SH3BP5L: variants seen among roughly 807,000 people sequenced by gnomAD.
SH3BP5L encodes the protein SH3 domain-binding protein 5-like.
SH3BP5L carries 16 observed loss-of-function variants against 40.9 expected under a neutral mutation model. The ratio of observed to expected loss-of-function variants is 0.39; its 90% CI spans 0.27 to 0.59. SH3BP5L has a LOEUF of 0.59. SH3BP5L is among the 20% of genes least tolerant of loss of function. SH3BP5L has a pLI of 0.53. For synonymous variants in SH3BP5L, 229 were observed against 226.7 expected, an observed-to-expected ratio of 1.01 and a Z score of -0.09; for missense variants, 471 against 544.6, an observed-to-expected ratio of 0.86 and a Z score of 1.35.
chr1:248,819,931 GTAAAAAAATT>G (rs1219618721), intron 2 of SH3BP5L, among the ~76,000 whole-genome samples: 1 of 151,492 alleles, frequency 6.6e-6, no homozygotes, highest in Non-Finnish European at 1.5e-5. Context: ...TTTTTTAAAA[GTAAAAAAATT>G]TAAAAAAAGA....
chr1:248,817,098 T>G, intron 2 of SH3BP5L: 72 of 1,480,138 alleles, frequency 4.9e-5, no homozygotes, highest in Non-Finnish European at 6.2e-5. Flanking sequence ...CTCACAACTC[T>G]ACCTTGTATT....
chr1:248,816,340 T>C (rs1015632656), intron 4 of SH3BP5L, 194 bp downstream of exon 4: 2 of 595,492 alleles, frequency 3.4e-6, no homozygotes, highest in Non-Finnish European at 5.9e-6. Flanking sequence ...CTCACCATTT[T>C]ATAGACCATA....
chr1:248,825,726 G>C (rs1271233305), intron 1 of SH3BP5L, 109 bp downstream of exon 1: 7 of 304,548 alleles, frequency 2.3e-5, no homozygotes, highest in Non-Finnish European at 3.4e-5. Context: ...TGTCCAACCC[G>C]AGACATCTAA....
In SH3BP5L at chr1:248,812,865, C is replaced by A; in HGVS notation, c.711+124G>T. On this transcript the variant is annotated intron_variant, in intron 6 of 6. Transcript: ENST00000366472. This position sits in a 1 kb window ranked among gnomAD's most constrained non-coding sequence, Gnocchi z 6.1. ...GGAACATGTGTGCCACCACCCTTCC[C>A]CACCGCTAGCCGGAGGCCTCACCCT... 1.2e-6 allele frequency: 1 copy of A among 830,590 alleles called. No individual in the cohort carries two copies. Among genetic ancestry groups the A allele is most frequent in the Non-Finnish European group, 1.9e-6 (1 of 538,616 alleles). The allele number at this position is 830,590 out of a possible 1,614,324, so 51.5% of individuals were successfully genotyped here.
intron 2 of SH3BP5L, among the ~76,000 whole-genome samples, chr1:248,822,072 G>C (rs1664266301): frequency 6.6e-6 from 1 of 152,120 alleles, no homozygotes; most frequent in African/African-American, 2.4e-5. Context: ...CTCAGGTAAG[G>C]GTATTTTTGA....
intron 1 of SH3BP5L, 104 bp from the exon 2 acceptor site, chr1:248,825,470 G>A (rs1157721426): frequency 1.6e-5 from 13 of 790,492 alleles, no homozygotes; most frequent in Non-Finnish European, 2.0e-5. Flanking sequence ...CTCTCACCAC[G>A]CCCCCACCCA....
In SH3BP5L at chr1:248,816,901, T is replaced by C. The variant is rs1664122600; in HGVS notation, c.184-17A>G. ...CAACTCCTCCTGCCACAGAGAGGGG[T>C]GGCAAATTAGTGCAGTGGAAGGAAG... On this transcript the variant is annotated splice_polypyrimidine_tract_variant and intron_variant, in intron 2 of 6. Coordinates refer to ENST00000366472, the MANE Select transcript of SH3BP5L (RefSeq NM_030645.3). The C allele has an allele frequency of 1.2e-6, 2 of 1,613,812 alleles. No homozygotes were observed.
Position 248,812,375 on chromosome 1 carries a change from A to T in SH3BP5L, c.712-5T>A. The T allele has an allele frequency of 6.2e-7, 1 of 1,602,116 alleles. No individual in the cohort carries two copies. Among genetic ancestry groups the T allele is most frequent in the Non-Finnish European group, 8.5e-7 (1 of 1,179,478 alleles). On this transcript the variant is annotated splice_polypyrimidine_tract_variant and splice_region_variant and intron_variant, in intron 6 of 6. Transcript: ENST00000366472. The surrounding 1 kb of genome is among the most constrained non-coding windows in gnomAD (Gnocchi z 6.1). ...TGTCACCTTGGCCTTGTGCTCCTGC[A>T]GAGGGCAGAGCAGAGCAAGGCGACC...
intron 4 of SH3BP5L, 66 bp downstream of exon 4, chr1:248,816,466 TAG>T: frequency 1.3e-6 from 2 of 1,597,748 alleles, no homozygotes; most frequent in Non-Finnish European, 1.7e-6. Flanking sequence ...TCACTCCATA[TAG>T]AGACAGAAGA....
At position 248,811,830 on chromosome 1, in the gene SH3BP5L, G is replaced by A. The variant is rs1205704487; in HGVS notation, c.*70C>T. On this transcript the variant is annotated 3_prime_UTR_variant, in exon 7 of 7. Transcript: ENST00000366472. ...GGGAAGACGAGGCCCCAGAGGAGAG[G>A]GCGTGAGAAGACTGTGGGCCCCAAC... 3 of 1,146,100 alleles carry A rather than the reference G, an allele frequency of 2.6e-6. No individual in the cohort carries two copies. The highest frequency in any genetic ancestry group is 3.6e-6 in the Non-Finnish European group (3 of 826,002). The allele number at this position is 1,146,100 out of a possible 1,614,324, so 71.0% of individuals were successfully genotyped here.
At chr1:248,813,352 C>G (rs147282536) in intron 5 of SH3BP5L, 190 bp from the exon 6 acceptor site, 423 of 486,114 alleles carry the variant, frequency 8.7e-4, no homozygotes, top group African/African-American at 6.9e-3. Context: ...CAGCTTATTT[C>G]TGTCTCTCTT....
intron 2 of SH3BP5L, among the ~76,000 whole-genome samples, chr1:248,819,978 CA>C (rs1407610067): frequency 1.3e-5 from 2 of 151,970 alleles, no homozygotes; most frequent in Non-Finnish European, 2.9e-5. Context: ...ACATTTAACC[CA>C]ATATATACAA....
rs577355964 is a variant in SH3BP5L, at chr1:248,811,647, G to A, written c.*253C>T. ...GCAGATCGTGATGAGCTGGCAGGCAGAGGCAGACAGAGCGCCGAGGGCGAG... is the reference window on the plus strand; with the variant it reads ...GCAGATCGTGATGAGCTGGCAGGCAAAGGCAGACAGAGCGCCGAGGGCGAG... On this transcript the variant is annotated 3_prime_UTR_variant, in exon 7 of 7. Coordinates refer to ENST00000366472, the MANE Select transcript of SH3BP5L (RefSeq NM_030645.3). The A allele has an allele frequency of 4.0e-6, 2 of 496,936 alleles. No homozygotes were observed. The highest frequency in any genetic ancestry group is 6.8e-5 in the South Asian group (2 of 29,316). 30.8% of individuals were successfully genotyped at this position (496,936 alleles called of 1,614,324 possible). A position where few individuals can be genotyped will look rare whatever the true frequency, so the allele number is the denominator to read the frequency against.
In SH3BP5L at chr1:248,821,477, C is replaced by G. The variant is rs1218911565; in HGVS notation, c.183+3276G>C. Among the ~76,000 whole-genome samples the G allele has an allele frequency of 1.3e-5, 2 of 152,060 alleles. No individual in the cohort carries two copies. Among genetic ancestry groups the G allele is most frequent in the South Asian group, 4.1e-4 (2 of 4,824 alleles). ...GACTCAAACTAATGGTAACTGGGGC[C>G]AGGGTGATGACTGTCCTGTGAAAGC... On this transcript the variant is annotated intron_variant, in intron 2 of 6. Transcript: ENST00000366472. This position sits in a 1 kb window ranked among gnomAD's most constrained non-coding sequence, Gnocchi z 4.6.
rs779618597 is a variant in SH3BP5L at position 248,812,967 on chromosome 1, T to C, written c.711+22A>G. The stretch of plus-strand genomic sequence containing the variant: ...TGCACCCCCACCTACCCATTCCTCC[T>C]CCCCCTCACCCACTCAGCTACCTCC... On this transcript the variant is annotated intron_variant, in intron 6 of 6. Transcript: ENST00000366472. The surrounding 1 kb of genome is among the most constrained non-coding windows in gnomAD (Gnocchi z 6.1). 6.5e-7 allele frequency: 1 copy of C among 1,544,128 alleles called. No individual in the cohort carries two copies. Among genetic ancestry groups the C allele is most frequent in the East Asian group, 2.3e-5 (1 of 42,922 alleles).
At position 248,814,433 on chromosome 1, in the gene SH3BP5L, G is replaced by A. The variant is rs1664042031; in HGVS notation, c.537+16C>T. The A allele has an allele frequency of 2.5e-6, 4 of 1,613,214 alleles. No individual in the cohort carries two copies. The highest frequency in any genetic ancestry group is 3.3e-5 in the Admixed American group (2 of 59,970). ...GAGAACCAGCGAAGGGGACCTGCTG[G>A]CACCGCCCGGCTCACCTTGCAGGTA... On this transcript the variant is annotated intron_variant, in intron 5 of 6. Transcript: ENST00000366472.
intron 2 of SH3BP5L, among the ~76,000 whole-genome samples, chr1:248,822,946 G>A (rs1467982838): frequency 2.0e-5 from 3 of 152,182 alleles, no homozygotes; most frequent in Non-Finnish European, 4.4e-5. Context: ...TTACAGGTGT[G>A]AGCCACCATG....
chr1:248,822,024 C>A (rs1394485268), intron 2 of SH3BP5L, among the ~76,000 whole-genome samples: 1 of 152,162 alleles, frequency 6.6e-6, no homozygotes, highest in Non-Finnish European at 1.5e-5. Context: ...TCCCTTCTCA[C>A]CCCACCCAGA....
rs200442149 is a variant in SH3BP5L, at chr1:248,814,566, G to A, written c.420C>T (p.Ala140=). ...TQKAALRYER[A]VSMHNAAREM... ...CTCGAGCAGCGTTGTGCATGCTTAC[G>A]GCCCGCTCGTACCGCAGCGCTGCCT... is the stretch of plus-strand genomic sequence containing the variant. Residue 140 remains alanine (A), a synonymous_variant, in exon 5 of 7, where the codon GCC becomes GCT. Transcript: ENST00000366472. 4.6e-4 allele frequency: 749 copies of A among 1,614,174 alleles called. 7 individuals are homozygous for A. In the South Asian group the frequency reaches 6.8e-3, roughly 15 times the overall value.
Sources: allele counts gnomAD v4.1 joint callset (sites outside exome capture counted in the v4.1 genomes callset), GRCh38; gene constraint gnomAD v4.1.1; non-coding constraint Gnocchi (gnomAD v3.1); transcripts MANE v1.5; gene names NCBI Gene and HGNC (gene_info 2026-07-23, HGNC 2026-07-21).